Variants in RNF130 observed in about 807,000 individuals in gnomAD.
RNF130 encodes ring finger protein 130, also known as E3 ubiquitin-protein ligase RNF130.
A neutral mutation model predicts 44.6 loss-of-function variants in RNF130; 21 were observed. That is an observed-to-expected ratio of 0.47 (90% CI 0.33 to 0.68). The LOEUF (loss-of-function observed/expected upper bound fraction) is 0.68, where lower values mean the gene tolerates loss of function less well. Ranked by LOEUF, RNF130 falls within the 30% of genes least tolerant of loss-of-function variation. RNF130 has a pLI of 0.02. For synonymous variants in RNF130, 214 were observed against 210.4 expected, an observed-to-expected ratio of 1.02 and a Z score of -0.15; for missense variants, 479 against 560.6, an observed-to-expected ratio of 0.85 and a Z score of 1.47.
At chr5:179,981,617 A>G (rs1762843102) in intron 3 of RNF130, among the ~76,000 whole-genome samples, 2 of 152,208 alleles carry the variant, frequency 1.3e-5, no homozygotes, top group South Asian at 4.1e-4. Flanking sequence ...TTCACCCATA[A>G]AATTTTCACT....
At chr5:180,016,615 T>C (rs1387806380) in intron 2 of RNF130, among the ~76,000 whole-genome samples, 1 of 152,166 alleles carries the variant, frequency 6.6e-6, no homozygotes, top group Non-Finnish European at 1.5e-5. Context: ...CTTCCAACTA[T>C]TTTCTTGAGA....
chr5:180,028,678 TCCCGGCAAACA>T (rs1764050450), intron 2 of RNF130, among the ~76,000 whole-genome samples: 1 of 152,182 alleles, frequency 6.6e-6, no homozygotes, highest in Non-Finnish European at 1.5e-5. Context: ...GAGGAAGTGT[TCCCGGCAAACA>T]CTCACTCGTA....
chr5:179,999,262 T>TCA (rs1316125305), intron 3 of RNF130, among the ~76,000 whole-genome samples: 4 of 151,772 alleles, frequency 2.6e-5, no homozygotes, highest in Admixed American at 1.3e-4. Context: ...CCTCAAGTGA[T>TCA]CACCTGCCTC....
chr5:179,975,785 G>A (rs892318499), intron 5 of RNF130, among the ~76,000 whole-genome samples: 1 of 152,152 alleles, frequency 6.6e-6, no homozygotes, highest in Non-Finnish European at 1.5e-5. Flanking sequence ...TCCGTGAACC[G>A]TGCCAAAAAT....
chr5:180,049,613 C>T (rs980519168), intron 1 of RNF130, among the ~76,000 whole-genome samples: 6 of 152,256 alleles, frequency 3.9e-5, no homozygotes, highest in South Asian at 4.1e-4. Context: ...TACATTGTTT[C>T]AGTATACTTG....
At chr5:179,946,817 G>A (rs1449064257) in intron 7 of RNF130, among the ~76,000 whole-genome samples, 3 of 152,182 alleles carry the variant, frequency 2.0e-5, no homozygotes, top group Non-Finnish European at 4.4e-5. Flanking sequence ...GCCTCCCAAA[G>A]TGCTGGGATT....
intron 8 of RNF130, among the ~76,000 whole-genome samples, chr5:179,962,811 A>G (rs562502558): frequency 1.2e-4 from 19 of 152,010 alleles, no homozygotes; most frequent in Non-Finnish European, 2.5e-4. Flanking sequence ...CCCAGTCCTG[A>G]GCGTGCCCTA....
intron 1 of RNF130, among the ~76,000 whole-genome samples, chr5:180,064,061 T>C (rs1170137534): frequency 2.6e-5 from 4 of 152,058 alleles, no homozygotes; most frequent in East Asian, 1.9e-4. Flanking sequence ...CCAGAGAAAA[T>C]GGAAACACTA....
chr5:179,940,574 G>A (rs1047390797), intron 7 of RNF130, among the ~76,000 whole-genome samples: 3 of 152,086 alleles, frequency 2.0e-5, no homozygotes, highest in Non-Finnish European at 4.4e-5. Context: ...TTTATGTTAT[G>A]AGAATTTCAT....
chr5:179,990,140 C>T (rs963143839), intron 3 of RNF130, among the ~76,000 whole-genome samples: 1 of 152,124 alleles, frequency 6.6e-6, no homozygotes, highest in South Asian at 2.1e-4. Flanking sequence ...GGGACCACTA[C>T]CACCAAGATG....
At chr5:180,053,792 T>C (rs1173272512) in intron 1 of RNF130, among the ~76,000 whole-genome samples, 2 of 151,302 alleles carry the variant, frequency 1.3e-5, no homozygotes, top group African/African-American at 4.8e-5. Flanking sequence ...ACACTGACAA[T>C]GAGTGCAGAG....
At position 180,057,271 on chromosome 5, in the gene RNF130, G is replaced by A. The variant is rs1242520039; in HGVS notation, c.247+14185C>T. 2.0e-5 allele frequency among the ~76,000 whole-genome samples: 3 copies of A among 152,202 alleles called. No homozygotes were observed. In the East Asian group the frequency reaches 5.8e-4, roughly 29 times the overall value. On this transcript the variant is annotated intron_variant, in intron 1 of 8. Coordinates refer to ENST00000521389, the MANE Select transcript of RNF130 (RefSeq NM_018434.6). ...AAATCAATCATGTCTGTGTCGGGGT[G>A]GGCACAGTGGCTCACGCCTGTAATC...
chr5:179,990,488 G>C (rs1351637943), intron 3 of RNF130, among the ~76,000 whole-genome samples: 1 of 152,220 alleles, frequency 6.6e-6, no homozygotes, highest in Non-Finnish European at 1.5e-5. Context: ...GCATCACAGG[G>C]AGATGGTTAG....
rs551338880 is a variant in RNF130, at chr5:179,927,886, G to A, written c.1151-7460C>T. Among the ~76,000 whole-genome samples the A allele has an allele frequency of 1.1e-3, 170 of 152,112 alleles. 1 individual carries two copies. Among genetic ancestry groups the A allele is most frequent in the African/African-American group, 3.9e-3 (162 of 41,460 alleles). On this transcript the variant is annotated intron_variant, in intron 7 of 7. Coordinates refer to the RNF130 transcript ENST00000522208. ...ATTACAAGTGTGAGCCACCATGCCC[G>A]GCCTAGCTTTGTCTATTTTTAATTT...
At chr5:180,004,970 G>C (rs894354316) in intron 3 of RNF130, among the ~76,000 whole-genome samples, 3 of 151,540 alleles carry the variant, frequency 2.0e-5, no homozygotes, top group African/African-American at 7.3e-5. Flanking sequence ...TAACTCTTTT[G>C]CAAGACACCA....
In RNF130 at chr5:179,955,871, G is replaced by A. The variant is rs760805076; in HGVS notation, c.1245-202C>T. On this transcript the variant is annotated intron_variant, in intron 8 of 8. Coordinates refer to ENST00000521389, the MANE Select transcript of RNF130 (RefSeq NM_018434.6). Reference sequence around the variant, plus strand: ...AGTTGACTGACTCATCCATCTTAGAGGTGCTTTAATACTCCCAAAAGGATG... The same window carrying A: ...AGTTGACTGACTCATCCATCTTAGAAGTGCTTTAATACTCCCAAAAGGATG... Among the ~76,000 whole-genome samples, 5 of 152,276 alleles carry A rather than the reference G, an allele frequency of 3.3e-5. No homozygotes were observed. In the East Asian group the frequency reaches 5.8e-4, roughly 18 times the overall value.
chr5:179,950,365 C>T (rs1762107799), downstream of RNF130, among the ~76,000 whole-genome samples: 1 of 152,170 alleles, frequency 6.6e-6, no homozygotes, highest in African/African-American at 2.4e-5. Context: ...GATCCACTTG[C>T]CTCAGCCTCC....
chr5:179,980,787 T>C (rs1561679237), intron 3 of RNF130, among the ~76,000 whole-genome samples: 1 of 152,170 alleles, frequency 6.6e-6, no homozygotes, highest in Non-Finnish European at 1.5e-5. Flanking sequence ...TCATTATCTG[T>C]AAGGGTGAGG....
At chr5:179,992,296 C>T (rs920151341) in intron 3 of RNF130, among the ~76,000 whole-genome samples, 28 of 152,184 alleles carry the variant, frequency 1.8e-4, no homozygotes, top group African/African-American at 3.1e-4. Flanking sequence ...CACCCGCCAC[C>T]ATGCCCGGCT....
Sources: gnomAD v4.1 joint callset for allele counts (sites outside exome capture counted in the v4.1 genomes callset) on GRCh38, gnomAD v4.1.1 for gene constraint, MANE v1.5 for transcripts, NCBI Gene and HGNC (gene_info 2026-07-23, HGNC 2026-07-21) for gene names.